The following FBXO42 variants were observed in gnomAD, a reference collection of about 807,000 sequenced individuals.
FBXO42 encodes the protein F-box only protein 42.
In FBXO42, 12 loss-of-function variants were observed where a neutral mutation model predicts 71.7. The observed-to-expected ratio is 0.17, with a 90% confidence interval of 0.11 to 0.27. FBXO42 has a LOEUF of 0.27. Among genes scored for constraint, FBXO42 ranks in the 10% least tolerant of loss-of-function variants. The pLI, the probability that FBXO42 is intolerant of heterozygous loss-of-function variation, is 1.00. For synonymous variants in FBXO42, 325 were observed against 327.5 expected (o/e 0.99, Z 0.08); for missense variants, 707 against 911.9 (o/e 0.78, Z 2.89).
intron 1 of FBXO42, among the ~76,000 whole-genome samples, chr1:16,319,173 A>G (rs1017868207): frequency 3.9e-5 from 6 of 152,152 alleles, no homozygotes; most frequent in Non-Finnish European, 5.9e-5. Context: ...GAAGGAAACG[A>G]AGAGTAATCT....
At chr1:16,298,496 G>A (rs2082155718) in intron 3 of FBXO42, among the ~76,000 whole-genome samples, 1 of 151,998 alleles carries the variant, frequency 6.6e-6, no homozygotes, top group South Asian at 2.1e-4. Context: ...AAAGAAATTA[G>A]CAATGTCCTA....
chr1:16,269,588 T>G (rs930184587), intron 4 of FBXO42, among the ~76,000 whole-genome samples: 8 of 151,734 alleles, frequency 5.3e-5, no homozygotes, highest in African/African-American at 1.7e-4. Context: ...TGCAATGGCG[T>G]GATCTCGGCT....
At chr1:16,269,992 A>T (rs1442345266) in intron 4 of FBXO42, among the ~76,000 whole-genome samples, 1 of 152,084 alleles carries the variant, frequency 6.6e-6, no homozygotes, top group Non-Finnish European at 1.5e-5. Flanking sequence ...AGTAGATGGG[A>T]CCACAGACAT....
At chr1:16,280,514 C>T (rs777563963) in intron 4 of FBXO42, among the ~76,000 whole-genome samples, 3 of 152,136 alleles carry the variant, frequency 2.0e-5, no homozygotes, top group Non-Finnish European at 2.9e-5. Flanking sequence ...TGGCAAAAAC[C>T]GCAATTACTT....
At chr1:16,256,491 A>G in intron 5 of FBXO42, 115 bp downstream of exon 5, 1 of 1,124,890 alleles carries the variant, frequency 8.9e-7, no homozygotes, top group South Asian at 1.6e-5. Context: ...TCCTGGGAAA[A>G]GAGTCCACAG....
chr1:16,296,122 C>A (rs1457895905), intron 3 of FBXO42, among the ~76,000 whole-genome samples: 2 of 152,218 alleles, frequency 1.3e-5, no homozygotes, highest in African/African-American at 4.8e-5. Flanking sequence ...GTGCTAAGTT[C>A]TGCCCCTTGC....
intron 1 of FBXO42, among the ~76,000 whole-genome samples, chr1:16,328,294 C>T (rs1263144511): frequency 6.6e-6 from 1 of 152,124 alleles, no homozygotes; most frequent in African/African-American, 2.4e-5. Flanking sequence ...ACCTAAGTAA[C>T]TTTGGAAATA....
At chr1:16,328,164 T>C (rs1190626021) in intron 1 of FBXO42, among the ~76,000 whole-genome samples, 2 of 152,088 alleles carry the variant, frequency 1.3e-5, no homozygotes, top group East Asian at 1.9e-4. Flanking sequence ...TGAAATTTAA[T>C]ACATGTAAAT....
chr1:16,269,388 CTT>C (rs144354564), intron 4 of FBXO42, among the ~76,000 whole-genome samples: 7 of 140,026 alleles, frequency 5.0e-5, no homozygotes, highest in Non-Finnish European at 3.1e-5. Context: ...CGAACCCAGA[CTT>C]TTTTTTTTTT....
chr1:16,310,689 A>G (rs928234342), intron 2 of FBXO42, among the ~76,000 whole-genome samples: 2 of 151,954 alleles, frequency 1.3e-5, no homozygotes, highest in African/African-American at 4.8e-5. Flanking sequence ...TATCCAAAGA[A>G]CTCTTAAAAC....
chr1:16,278,487 A>G (rs1400453343), intron 4 of FBXO42, among the ~76,000 whole-genome samples: 1 of 151,836 alleles, frequency 6.6e-6, no homozygotes, highest in Admixed American at 6.6e-5. Context: ...TGTCTTTTTT[A>G]TTTTTATTTT....
At chr1:16,342,229 T>C (rs979721052) in intron 1 of FBXO42, among the ~76,000 whole-genome samples, 3 of 151,204 alleles carry the variant, frequency 2.0e-5, no homozygotes, top group African/African-American at 7.3e-5. Context: ...AAACCCCGTC[T>C]CTACTAAAAA....
chr1:16,313,370 A>G (rs535722308), intron 2 of FBXO42, among the ~76,000 whole-genome samples: 27 of 146,442 alleles, frequency 1.8e-4, no homozygotes, highest in Non-Finnish European at 3.5e-4. Context: ...GAAAGAAAGA[A>G]AGAGAAAAGA....
intron 4 of FBXO42, among the ~76,000 whole-genome samples, chr1:16,258,959 C>T (rs1482760870): frequency 2.0e-5 from 3 of 152,056 alleles, no homozygotes; most frequent in Non-Finnish European, 4.4e-5. Context: ...AGGCTGGCCA[C>T]GAACTCCTGG....
intron 4 of FBXO42, among the ~76,000 whole-genome samples, chr1:16,291,641 C>T (rs541376768): frequency 1.3e-5 from 2 of 151,620 alleles, no homozygotes; most frequent in African/African-American, 2.4e-5. Flanking sequence ...CTCAGCCTCT[C>T]GAAGTGCCAG....
intron 1 of FBXO42, among the ~76,000 whole-genome samples, chr1:16,351,090 C>T (rs181508835): frequency 1.1e-3 from 174 of 152,288 alleles, no homozygotes; most frequent in African/African-American, 4.1e-3. Context: ...CCAAATTTTC[C>T]TTGCCTCTTT....
chr1:16,322,187 A>T (rs1397355314), intron 1 of FBXO42, among the ~76,000 whole-genome samples: 3 of 152,134 alleles, frequency 2.0e-5, no homozygotes, highest in African/African-American at 7.2e-5. Flanking sequence ...TGGTTTATGG[A>T]ATTTTGTACC....
intron 1 of FBXO42, among the ~76,000 whole-genome samples, chr1:16,319,587 A>G (rs1393198730): frequency 6.6e-6 from 1 of 152,172 alleles, no homozygotes; most frequent in Non-Finnish European, 1.5e-5. Flanking sequence ...AGAGAAGAGT[A>G]TTATAATGGG....
At chr1:16,283,513 T>G (rs1308160241) in intron 4 of FBXO42, among the ~76,000 whole-genome samples, 1 of 146,212 alleles carries the variant, frequency 6.8e-6, no homozygotes. Context: ...TTTTTTTTTT[T>G]TTTTGAGACA....
Sources: allele counts gnomAD v4.1 joint callset (sites outside exome capture counted in the v4.1 genomes callset), GRCh38; gene constraint gnomAD v4.1.1; transcripts MANE v1.5; gene names NCBI Gene and HGNC (gene_info 2026-07-23, HGNC 2026-07-21).